The following PROS1 variants were observed in gnomAD, a reference collection of about 807,000 sequenced individuals.
The protein encoded by PROS1 is vitamin K-dependent protein S.
A neutral mutation model predicts 75.9 loss-of-function variants in PROS1; 29 were observed. The observed-to-expected ratio is 0.38, with a 90% CI of 0.28 to 0.52. The LOEUF is 0.52. Among genes scored for constraint, PROS1 ranks in the 20% least tolerant of loss-of-function variants. The pLI is 0.83. For missense variants in PROS1, 680 were observed against 810.3 expected (o/e 0.84, Z 1.95); for synonymous variants, 245 against 280.6 (o/e 0.87, Z 1.27).
chr3:93,969,386 TAGAC>T (rs745331235), intron 1 of PROS1, among the ~76,000 whole-genome samples: 2 of 152,218 alleles, frequency 1.3e-5, no homozygotes, highest in Non-Finnish European at 2.9e-5. Flanking sequence ...GTGTATTTGT[TAGAC>T]AGCCAATAAT....
At chr3:93,876,588 C>CAAAAAAAAAA (rs34147087) in intron 14 of PROS1, among the ~76,000 whole-genome samples, 1 of 34,994 alleles carries the variant, frequency 2.9e-5, no homozygotes, top group Non-Finnish European at 4.9e-5. Flanking sequence ...GACTCCATCT[C>CAAAAAAAAAA]AAAAAAAAAA....
chr3:93,968,473 T>C lies in PROS1; in HGVS notation c.76+5201A>G, dbSNP rs930659252. 2.4e-4 allele frequency among the ~76,000 whole-genome samples: 37 copies of C among 152,336 alleles called. 1 individual carries two copies. Among genetic ancestry groups the C allele is most frequent in the African/African-American group, 8.2e-4 (34 of 41,582 alleles). On this transcript the variant is annotated intron_variant, in intron 1 of 14. Transcript: ENST00000394236. ...GATTTTGGACTTCTAGACTTCAAAATTGTGAGACCACAACTTTCTGTTGTT... is the reference window on the plus strand; with the variant it reads ...GATTTTGGACTTCTAGACTTCAAAACTGTGAGACCACAACTTTCTGTTGTT...
At chr3:93,955,495 A>G (rs1238336650) in intron 1 of PROS1, among the ~76,000 whole-genome samples, 2 of 152,040 alleles carry the variant, frequency 1.3e-5, no homozygotes, top group South Asian at 2.1e-4. Flanking sequence ...CAAACACTGC[A>G]TGTTCTCACT....
intron 7 of PROS1, 86 bp downstream of exon 7, chr3:93,900,718 T>A: frequency 6.4e-7 from 1 of 1,568,588 alleles, no homozygotes; most frequent in Non-Finnish European, 8.7e-7. Context: ...ACTGTTGATG[T>A]CAAACAAAGC....
chr3:93,941,726 A>G (rs576336353), intron 1 of PROS1, among the ~76,000 whole-genome samples: 1 of 152,296 alleles, frequency 6.6e-6, no homozygotes, highest in African/African-American at 2.4e-5. Flanking sequence ...CTTTTTGTCC[A>G]AACAACTTGA....
chr3:93,875,666 C>G (rs1559926977), intron 14 of PROS1, among the ~76,000 whole-genome samples: 1 of 141,118 alleles, frequency 7.1e-6, no homozygotes, highest in African/African-American at 2.6e-5. Context: ...ATCTATCTAT[C>G]TATCTATCTA....
rs1576180288 is a variant in PROS1 at position 93,893,128 on chromosome 3, C to T, written c.966-6G>A. 2.5e-6 allele frequency: 4 copies of T among 1,607,242 alleles called. No homozygotes were observed. Among genetic ancestry groups the T allele is most frequent in the Non-Finnish European group, 3.4e-6 (4 of 1,175,242 alleles). On this transcript the variant is annotated splice_region_variant and splice_polypyrimidine_tract_variant and intron_variant, in intron 9 of 14. Transcript: ENST00000394236. ...AATCAAATTCTGCTGAAAATCTAAACAATGGACAAAGAGAGATCCTTAAGA... is the reference window on the plus strand; with the variant it reads ...AATCAAATTCTGCTGAAAATCTAAATAATGGACAAAGAGAGATCCTTAAGA...
At chr3:93,910,838 A>G in intron 3 of PROS1, 133 bp from the exon 4 acceptor site, 1 of 743,484 alleles carries the variant, frequency 1.3e-6, no homozygotes, top group South Asian at 1.6e-5. Context: ...TCAAAATGCA[A>G]CACTAAATGT....
At position 93,932,345 on chromosome 3, in the gene PROS1, A is replaced by G. The variant is rs1173800924; in HGVS notation, c.77-4938T>C. Among the ~76,000 whole-genome samples, 4 of 152,120 alleles carry G rather than the reference A, an allele frequency of 2.6e-5. No individual in the cohort carries two copies. The East Asian group carries it at 7.7e-4, about 29-fold the overall frequency. On this transcript the variant is annotated intron_variant, in intron 1 of 14. Coordinates refer to ENST00000394236, the MANE Select transcript of PROS1 (RefSeq NM_000313.4). ...GAGAACACAGACAACCAGCATCCAA[A>G]CCCTGTCCTCTTTTTGTATTAGCAC...
intron 1 of PROS1, among the ~76,000 whole-genome samples, chr3:93,961,913 T>G (rs1709710721): frequency 6.6e-6 from 1 of 152,084 alleles, no homozygotes; most frequent in South Asian, 2.1e-4. Context: ...AGACAGAAAT[T>G]CTGGCTTGAA....
chr3:93,929,810 T>TA (rs1183114051), intron 1 of PROS1, among the ~76,000 whole-genome samples: 1 of 152,200 alleles, frequency 6.6e-6, no homozygotes, highest in Non-Finnish European at 1.5e-5. Flanking sequence ...ATGAAAAATG[T>TA]AAAAAACATA....
At chr3:93,973,124 C>A (rs1196801915) in intron 1 of PROS1, among the ~76,000 whole-genome samples, 2 of 152,090 alleles carry the variant, frequency 1.3e-5, no homozygotes, top group Non-Finnish European at 2.9e-5. Flanking sequence ...ATTTAACAGT[C>A]CTTTTGATTT....
intron 6 of PROS1, among the ~76,000 whole-genome samples, chr3:93,903,055 C>T (rs907568470): frequency 2.6e-5 from 4 of 151,948 alleles, no homozygotes; most frequent in South Asian, 2.1e-4. Flanking sequence ...TTAGTAGAGA[C>T]GGGGTTTCAG....
intron 3 of PROS1, among the ~76,000 whole-genome samples, chr3:93,923,078 T>C (rs1158144661): frequency 1.3e-5 from 2 of 152,188 alleles, no homozygotes; most frequent in African/African-American, 4.8e-5. Flanking sequence ...AATTTTTAGG[T>C]CTGAGCCTGG....
At chr3:93,930,300 G>T (rs530984454) in intron 1 of PROS1, among the ~76,000 whole-genome samples, 1 of 152,184 alleles carries the variant, frequency 6.6e-6, no homozygotes, top group Admixed American at 6.5e-5. Flanking sequence ...AGAGCCTGAC[G>T]TGGGCAATTA....
chr3:93,936,037 G>A (rs1198505361), intron 1 of PROS1, among the ~76,000 whole-genome samples: 1 of 145,906 alleles, frequency 6.9e-6, no homozygotes. Context: ...GATAAAATAA[G>A]CATTTTCATT....
chr3:93,962,502 A>G (rs765348037), intron 1 of PROS1, among the ~76,000 whole-genome samples: 3 of 152,206 alleles, frequency 2.0e-5, no homozygotes, highest in Non-Finnish European at 2.9e-5. Context: ...CTCCAAACTA[A>G]AGTATCTTAC....
chr3:93,898,320 A>G, intron 8 of PROS1, 128 bp downstream of exon 8: 2 of 1,093,598 alleles, frequency 1.8e-6, no homozygotes, highest in South Asian at 2.6e-5. Context: ...ATGACTCATA[A>G]CCTGCTTAAA....
intron 1 of PROS1, among the ~76,000 whole-genome samples, chr3:93,966,339 C>T (rs1164761446): frequency 6.6e-6 from 1 of 152,092 alleles, no homozygotes; most frequent in Non-Finnish European, 1.5e-5. Flanking sequence ...AAGAATTGTC[C>T]CAGAGATGAG....
Sources: allele counts gnomAD v4.1 joint callset (sites outside exome capture counted in the v4.1 genomes callset), GRCh38; gene constraint gnomAD v4.1.1; transcripts MANE v1.5; gene names NCBI Gene and HGNC (gene_info 2026-07-23, HGNC 2026-07-21).